Variants in UGT2B10 observed in about 807,000 individuals in gnomAD.
UGT2B10 encodes UDP-glucuronosyltransferase 2B10.
In UGT2B10, 51 loss-of-function variants were observed where a neutral mutation model predicts 43.7. The ratio of observed to expected loss-of-function variants is 1.17; its 90% CI spans 0.93 to 1.47. The LOEUF (loss-of-function observed/expected upper bound fraction) is 1.47, where lower values mean the gene tolerates loss of function less well. Ranked by LOEUF, UGT2B10 falls within the 40% of genes most tolerant of loss-of-function variation. UGT2B10 has a pLI of 0.00. For missense variants in UGT2B10, 696 were observed against 617.7 expected (o/e 1.13, Z -1.34); for synonymous variants, 225 against 209.0 (o/e 1.08, Z -0.66).
intron 1 of UGT2B10, among the ~76,000 whole-genome samples, chr4:68,817,475 T>C (rs1203822960): frequency 1.3e-5 from 2 of 151,762 alleles, no homozygotes; most frequent in Non-Finnish European, 2.9e-5. Context: ...AATTTACAAA[T>C]ATTTTTACTT....
chr4:68,823,898 C>T (rs536961793), intron 3 of UGT2B10, among the ~76,000 whole-genome samples: 1 of 152,008 alleles, frequency 6.6e-6, no homozygotes, highest in African/African-American at 2.4e-5. Context: ...GATGAAGTAT[C>T]GATATTATCA....
chr4:68,816,910 T>C lies in UGT2B10; in HGVS notation c.718+173T>C, dbSNP rs557795578. ...AAATATTATAGAAAAGCTTAAATTATAGGGTCAGTGAAAACGCTGTGACCA... is the reference window on the plus strand; with the variant it reads ...AAATATTATAGAAAAGCTTAAATTACAGGGTCAGTGAAAACGCTGTGACCA... On this transcript the variant is annotated intron_variant, in intron 1 of 5. Coordinates refer to ENST00000265403, the MANE Select transcript of UGT2B10 (RefSeq NM_001075.6). Among the ~76,000 whole-genome samples the C allele has an allele frequency of 5.9e-5, 9 of 151,864 alleles. No individual in the cohort carries two copies. In the East Asian group the frequency reaches 1.4e-3, roughly 23 times the overall value.
chr4:68,820,877 A>T (rs1737457800), intron 2 of UGT2B10, among the ~76,000 whole-genome samples: 1 of 152,170 alleles, frequency 6.6e-6, no homozygotes, highest in African/African-American at 2.4e-5. Flanking sequence ...TAACATTATC[A>T]CAAAAGGAGA....
Position 68,816,290 on chromosome 4 carries a change from C to T in UGT2B10, c.271C>T (p.Gln91Ter). ...TKTEFENIIM[Q>*]LVKRLSEIQK... is the part of the protein sequence containing the mutation. ...AACTGAATTTGAGAATATCATCATG[C>T]AATTGGTTAAGAGATTGTCAGAAAT... is the stretch of plus-strand genomic sequence containing the variant. The change falls in exon 1 of 6, where the codon CAA (glutamine) becomes TAA (stop). Residue 91 changes from glutamine to a stop codon, truncating the protein, a stop_gained. Coordinates refer to ENST00000265403, the MANE Select transcript of UGT2B10 (RefSeq NM_001075.6). LOFTEE classifies it high-confidence loss of function. 1 of 1,613,052 alleles carries T rather than the reference C, an allele frequency of 6.2e-7. No homozygotes were observed. The highest frequency in any genetic ancestry group is 8.5e-7 in the Non-Finnish European group (1 of 1,179,426).
At chr4:68,824,507 A>G (rs1434486392) in intron 3 of UGT2B10, among the ~76,000 whole-genome samples, 1 of 152,156 alleles carries the variant, frequency 6.6e-6, no homozygotes, top group Non-Finnish European at 1.5e-5. Flanking sequence ...CATAGAACAT[A>G]GTAGGAATAT....
In UGT2B10 at chr4:68,822,411, A is replaced by C; in HGVS notation, c.999+9A>C. The C allele has an allele frequency of 6.2e-7, 1 of 1,613,280 alleles. No homozygotes were observed. ...CCAAGATCCCACAAAAGGTAAGATA[A>C]AGTGCCTTACTGGTGTGGAAAACTA... On this transcript the variant is annotated intron_variant, in intron 3 of 5. Coordinates refer to ENST00000265403, the MANE Select transcript of UGT2B10 (RefSeq NM_001075.6).
chr4:68,823,333 C>A (rs954037090), intron 3 of UGT2B10, among the ~76,000 whole-genome samples: 57 of 152,010 alleles, frequency 3.7e-4, no homozygotes, highest in Non-Finnish European at 3.8e-4. Context: ...TGGTGAAACC[C>A]TGTCTCTACT....
intron 4 of UGT2B10, 52 bp downstream of exon 4, chr4:68,826,549 G>T: frequency 6.5e-7 from 1 of 1,547,176 alleles, no homozygotes; most frequent in Non-Finnish European, 8.7e-7. Flanking sequence ...ACATTAGAGT[G>T]TTAATAGTTC....
At chr4:68,823,853 A>C (rs1040489704) in intron 3 of UGT2B10, among the ~76,000 whole-genome samples, 7 of 152,138 alleles carry the variant, frequency 4.6e-5, no homozygotes, top group African/African-American at 1.7e-4. Flanking sequence ...TGGCATTAAT[A>C]ATATGACCAG....
intron 5 of UGT2B10, among the ~76,000 whole-genome samples, chr4:68,828,554 G>A (rs28586884): frequency 0.014 from 2,088 of 151,988 alleles, 28 homozygotes; most frequent in Non-Finnish European, 0.021. Context: ...ATAAAACAAA[G>A]TGGTAGATTT....
chr4:68,822,153 T>A lies in UGT2B10; in HGVS notation c.868-118T>A. On this transcript the variant is annotated intron_variant, in intron 2 of 5. Coordinates refer to ENST00000265403, the MANE Select transcript of UGT2B10 (RefSeq NM_001075.6). ...GAGTCAGTTAAAAAATATTATTTACTCCAATAATTCCTCAAAATACTTGAT... is the reference window on the plus strand; with the variant it reads ...GAGTCAGTTAAAAAATATTATTTACACCAATAATTCCTCAAAATACTTGAT... 3 of 1,429,328 alleles carry A rather than the reference T, an allele frequency of 2.1e-6. No individual in the cohort carries two copies. The South Asian group carries it at 4.0e-5, about 19-fold the overall frequency. The allele number at this position is 1,429,328 out of a possible 1,614,324, so 88.5% of individuals were successfully genotyped here. A position where few individuals can be genotyped will look rare whatever the true frequency, so the allele number is the denominator to read the frequency against.
chr4:68,818,301 A>G, intron 2 of UGT2B10, 124 bp downstream of exon 2: 2 of 1,511,602 alleles, frequency 1.3e-6, no homozygotes, highest in Non-Finnish European at 1.8e-6. Context: ...GGTAAAGCAG[A>G]TACCAATTAG....
chr4:68,824,055 C>T (rs957434487), intron 3 of UGT2B10, among the ~76,000 whole-genome samples: 2 of 152,174 alleles, frequency 1.3e-5, no homozygotes, highest in Non-Finnish European at 2.9e-5. Context: ...AGCACAATAA[C>T]AATAGCAGGT....
chr4:68,827,470 C>T lies in UGT2B10; in HGVS notation c.1229C>T (p.Ala410Val). The change falls in exon 5 of 6, where the codon GCA (alanine) becomes GTA (valine). Residue 410 changes from alanine (A) to valine (V), a missense_variant. By Grantham distance (64) the Ala-to-Val change is moderately conservative (BLOSUM62 0). Transcript: ENST00000265403. ...DNIAHMKAKG[A>V]AVRVDFNTMS... ...ATTGCTCACATGAAGGCCAAGGGAG[C>T]AGCTGTTAGAGTGGACTTCAACACA... is the stretch of plus-strand genomic sequence containing the variant. The T allele has an allele frequency of 6.2e-7, 1 of 1,613,486 alleles. No individual in the cohort carries two copies. The highest frequency in any genetic ancestry group is 8.5e-7 in the Non-Finnish European group (1 of 1,179,630).
Position 68,830,854 on chromosome 4 carries a change from A to C in UGT2B10, c.1562A>C (p.Lys521Thr), listed in dbSNP as rs763944771. 1 of 1,613,038 alleles carries C rather than the reference A, an allele frequency of 6.2e-7. No individual in the cohort carries two copies. Among genetic ancestry groups the C allele is most frequent in the South Asian group, 1.1e-5 (1 of 91,046 alleles). The change falls in exon 6 of 6, where the codon AAA becomes ACA. Residue 521 changes from lysine (K) to threonine (T), a missense_variant. By Grantham distance (78) the Lys-to-Thr change is moderately conservative. Coordinates refer to ENST00000265403, the MANE Select transcript of UGT2B10 (RefSeq NM_001075.6). Reference sequence around the variant, plus strand: ...TTTTGTTTCTGGAAGTTTGCTAGAAAAGGAAAGAAGGGAAAAAGGGATTAG... The same window carrying C: ...TTTTGTTTCTGGAAGTTTGCTAGAACAGGAAAGAAGGGAAAAAGGGATTAG... Reference protein sequence around the residue: ...CLFCFWKFARKGKKGKRD With the variant: ...CLFCFWKFARTGKKGKRD
In UGT2B10 at chr4:68,829,626, G is replaced by T. The variant is rs548001986; in HGVS notation, c.1308-974G>T. 2.3e-3 allele frequency among the ~76,000 whole-genome samples: 344 copies of T among 152,090 alleles called. 5 individuals carry two copies. The highest frequency in any genetic ancestry group is 3.8e-3 in the Non-Finnish European group (261 of 67,970). On this transcript the variant is annotated intron_variant, in intron 5 of 5. Coordinates refer to ENST00000265403, the MANE Select transcript of UGT2B10 (RefSeq NM_001075.6). The stretch of plus-strand genomic sequence containing the variant: ...TGGCCAGTAAAAGCCTCTCTTAGAG[G>T]TAACACTTAGAGGGAAGCCACAAAA...
intron 5 of UGT2B10, among the ~76,000 whole-genome samples, chr4:68,829,225 C>T (rs977729320): frequency 5.3e-5 from 8 of 151,950 alleles, no homozygotes; most frequent in African/African-American, 1.9e-4. Context: ...AAAAAATAAA[C>T]ACTAAGGAGT....
rs976868254 is a variant in UGT2B10, at chr4:68,831,394, A to G, written c.*515A>G. ...AGGTATGTACCACCATAACTTTACA[A>G]AATGAGATTTTTATATAAGAATGAT... is the stretch of plus-strand genomic sequence containing the variant. On this transcript the variant is annotated 3_prime_UTR_variant, in exon 6 of 6. Transcript: ENST00000265403. 3.9e-5 allele frequency among the ~76,000 whole-genome samples: 6 copies of G among 152,124 alleles called. No homozygotes were observed. The highest frequency in any genetic ancestry group is 1.4e-4 in the African/African-American group (6 of 41,464).
chr4:68,827,333 T>G lies in UGT2B10; in HGVS notation c.1092T>G (p.His364Gln). The G allele has an allele frequency of 6.2e-7, 1 of 1,613,210 alleles. No individual in the cohort carries two copies. Among genetic ancestry groups the G allele is most frequent in the Middle Eastern group, 1.7e-4 (1 of 6,050 alleles). Residue 364 changes from histidine to glutamine, a missense_variant, in exon 5 of 6, where the codon CAT becomes CAG. Transcript: ENST00000265403. ...CTAAAATTCATCCAATCCTAGGTCA[T>G]CCAAAAACCAGAGCTTTTATAACTC... ...KWIPQNDLLG[H>Q]PKTRAFITHG...
Sources: allele counts gnomAD v4.1 joint callset (sites outside exome capture counted in the v4.1 genomes callset), GRCh38; gene constraint gnomAD v4.1.1; transcripts MANE v1.5; gene names NCBI Gene and HGNC (gene_info 2026-07-23, HGNC 2026-07-21).